Variants in NDST1 observed in about 807,000 individuals in gnomAD.
NDST1 encodes bifunctional heparan sulfate N-deacetylase/N-sulfotransferase 1.
NDST1 carries 35 observed loss-of-function variants against 92.8 expected under a neutral mutation model. The observed-to-expected ratio is 0.38, with a 90% confidence interval of 0.29 to 0.50. NDST1 has a LOEUF of 0.50. Ranked by LOEUF, NDST1 falls within the 20% of genes least tolerant of loss-of-function variation. The pLI is 0.94. For missense variants in NDST1, 822 were observed against 1,182.7 expected, an observed-to-expected ratio of 0.69 and a Z score of 4.47; for synonymous variants, 493 against 500.3, an observed-to-expected ratio of 0.99 and a Z score of 0.19.
chr5:150,553,361 T>C lies in NDST1; in HGVS notation c.*29T>C. 6.2e-7 allele frequency: 1 copy of C among 1,608,910 alleles called. No homozygotes were observed. Among genetic ancestry groups the C allele is most frequent in the South Asian group, 1.1e-5 (1 of 90,972 alleles). ...TGGCCACCACAGCCAGACTGAACGT[T>C]TGTGAAAGCTGGGACATCCCACCAC... On this transcript the variant is annotated 3_prime_UTR_variant, in exon 15 of 15. Coordinates refer to ENST00000261797, the MANE Select transcript of NDST1 (RefSeq NM_001543.5). The surrounding 1 kb of genome is among the most constrained non-coding windows in gnomAD (Gnocchi z 4.2).
chr5:150,542,761 G>T, intron 9 of NDST1, 87 bp from the exon 10 acceptor site: 2 of 1,558,260 alleles, frequency 1.3e-6, no homozygotes, highest in South Asian at 1.1e-5. Flanking sequence ...GCCCCCAGTG[G>T]GTCGTGGGGA....
At position 150,529,390 on chromosome 5, in the gene NDST1, CA is replaced by C. The variant is rs11418788; in HGVS notation, c.1008+1115del. On this transcript the variant is annotated intron_variant, in intron 3 of 14. Coordinates refer to ENST00000261797, the MANE Select transcript of NDST1 (RefSeq NM_001543.5). ...TGGGCCACAGAGCAAGACCCTGTCT[CA>C]AAAAAAAAAAAAAAAAAAAAAAGTT... Among the ~76,000 whole-genome samples, 553 of 65,176 alleles carry C rather than the reference CA, an allele frequency of 8.5e-3. 2 individuals are homozygous for C. Among genetic ancestry groups the C allele is most frequent in the South Asian group, 0.04 (64 of 1,618 alleles). The allele number at this position is 65,176 out of a possible 152,430, so 42.8% of individuals were successfully genotyped here.
intron 8 of NDST1, among the ~76,000 whole-genome samples, chr5:150,540,895 A>G (rs1394665730): frequency 3.3e-5 from 5 of 152,226 alleles, no homozygotes; most frequent in East Asian, 1.9e-4. Context: ...AGGCTCTTAG[A>G]TAATCTCTTG....
intron 7 of NDST1, 90 bp from the exon 8 acceptor site, chr5:150,539,992 C>T: frequency 6.6e-7 from 1 of 1,513,192 alleles, no homozygotes; most frequent in Non-Finnish European, 9.1e-7. Context: ...GCCTTGCAAG[C>T]TAAGGCAGGG....
Position 150,554,131 on chromosome 5 carries a change from C to T in NDST1, c.*799C>T, listed in dbSNP as rs940371856. 7.3e-5 allele frequency: 29 copies of T among 398,976 alleles called. No homozygotes were observed. The highest frequency in any genetic ancestry group is 6.2e-4 in the Middle Eastern group (1 of 1,610). The allele number at this position is 398,976 out of a possible 1,614,324, so 24.7% of individuals were successfully genotyped here. On this transcript the variant is annotated 3_prime_UTR_variant, in exon 15 of 15. Coordinates refer to ENST00000261797, the MANE Select transcript of NDST1 (RefSeq NM_001543.5). ...ATGTTCCCATGTACAGACACGGTCC[C>T]CACACCCTCCCAGCCTCAGGCCCAG... is the stretch of plus-strand genomic sequence containing the variant.
At chr5:150,529,474 T>C in intron 3 of NDST1, among the ~76,000 whole-genome samples, 1 of 151,784 alleles carries the variant, frequency 6.6e-6, no homozygotes. Flanking sequence ...TACACACATG[T>C]GAACTGTCAT....
intron 11 of NDST1, among the ~76,000 whole-genome samples, chr5:150,546,241 C>T (rs1287552529): frequency 6.6e-6 from 1 of 152,120 alleles, no homozygotes; most frequent in Non-Finnish European, 1.5e-5. Context: ...CGTGATCTTC[C>T]CGCCTCGGCC....
intron 1 of NDST1, 29 bp from the exon 2 acceptor site, chr5:150,520,839 G>A: frequency 2.4e-6 from 1 of 414,794 alleles, no homozygotes; most frequent in Admixed American, 3.9e-5. Flanking sequence ...CCCGCACTCT[G>A]ACGCTCCTGT....
chr5:150,544,597 T>C (rs1400595445), intron 10 of NDST1, among the ~76,000 whole-genome samples: 1 of 152,170 alleles, frequency 6.6e-6, no homozygotes, highest in Non-Finnish European at 1.5e-5. Context: ...CCTGTACCCT[T>C]CATGAGAGTG....
intron 1 of NDST1, among the ~76,000 whole-genome samples, chr5:150,514,560 CAAAAAA>C (rs34675841): frequency 3.6e-5 from 2 of 55,090 alleles, no homozygotes; most frequent in Non-Finnish European, 8.7e-5. Flanking sequence ...GACTCCGTCT[CAAAAAA>C]AAAAAAAAAA....
At chr5:150,518,250 C>A (rs747268240) in intron 1 of NDST1, among the ~76,000 whole-genome samples, 22 of 152,090 alleles carry the variant, frequency 1.4e-4, no homozygotes, top group Admixed American at 3.9e-4. Context: ...TCCCCTCCTT[C>A]CCCCTGCCAG....
Position 150,548,225 on chromosome 5 carries a change from G to C in NDST1, c.2153G>C (p.Arg718Pro), listed in dbSNP as rs780806591. The C allele has an allele frequency of 6.2e-7, 1 of 1,614,050 alleles. No homozygotes were observed. The change falls in exon 12 of 15, where the codon CGA becomes CCA. Residue 718 changes from arginine to proline, a missense_variant. Physicochemically the swap from Arg to Pro is moderately radical, Grantham distance 103 (BLOSUM62 -2). Coordinates refer to ENST00000261797, the MANE Select transcript of NDST1 (RefSeq NM_001543.5). ...DRAYSWYQHQ[R>P]AHDDPVALKY... ...CTCTTTCCTTGCCTGCAGCACCAGC[G>C]AGCCCATGACGACCCAGTGGCCCTA... is the stretch of plus-strand genomic sequence containing the variant.
chr5:150,515,610 A>G (rs984587239), intron 1 of NDST1, among the ~76,000 whole-genome samples: 2 of 152,134 alleles, frequency 1.3e-5, no homozygotes, highest in Non-Finnish European at 2.9e-5. Context: ...GGCAATGGGA[A>G]TTTCATCAGC....
chr5:150,551,753 G>C lies in NDST1; in HGVS notation c.2427G>C (p.Ala809=). The C allele has an allele frequency of 6.2e-7, 1 of 1,612,676 alleles. No individual in the cohort carries two copies. ...TCCAAAGACTTTCCCACCTCCACAGGTTTGATCCAAAGAAAGGATTTTGGT... is the reference window on the plus strand; with the variant it reads ...TCCAAAGACTTTCCCACCTCCACAGCTTTGATCCAAAGAAAGGATTTTGGT... ...TNTIDYHKTL[A]FDPKKGFWCQ... The change falls in exon 14 of 15, where the codon GCG becomes GCC. Residue 809 remains alanine, a splice_region_variant and synonymous_variant. Transcript: ENST00000261797.
chr5:150,539,482 A>C, intron 7 of NDST1, 126 bp downstream of exon 7: 2 of 1,591,770 alleles, frequency 1.3e-6, no homozygotes, highest in Non-Finnish European at 1.7e-6. Flanking sequence ...GGCAGTTGGG[A>C]GACCCACTCT....
rs774911554 is a variant in NDST1 at position 150,540,103 on chromosome 5, C to T, written c.1588C>T (p.Leu530=). 10 of 1,614,230 alleles carry T rather than the reference C, an allele frequency of 6.2e-6. No individual in the cohort carries two copies. The highest frequency in any genetic ancestry group is 8.5e-6 in the Non-Finnish European group (10 of 1,180,050). ...GCAGATCAGCATCTTCATGACGCAC[C>T]TGTCCAACTATGGGAATGACCGCCT... ...LNPISIFMTH[L]SNYGNDRLGL... The change falls in exon 8 of 15, where the codon CTG becomes TTG. Residue 530 remains leucine, a synonymous_variant. Transcript: ENST00000261797.
intron 3 of NDST1, among the ~76,000 whole-genome samples, chr5:150,531,529 T>C (rs1029287925): frequency 1.3e-5 from 2 of 149,580 alleles, no homozygotes; most frequent in Non-Finnish European, 3.0e-5. Flanking sequence ...AGATGGAGTT[T>C]CATTCTTGTT....
At chr5:150,535,443 T>C in intron 5 of NDST1, 1 of 960,670 alleles carries the variant, frequency 1.0e-6, no homozygotes, top group Non-Finnish European at 1.2e-6. Flanking sequence ...TTGAGTCCTT[T>C]GTGCTAGAGG....
Position 150,539,245 on chromosome 5 carries a change from C to G in NDST1, c.1455C>G (p.Thr485=). Residue 485 remains threonine, a synonymous_variant, in exon 7 of 15, where the codon ACC becomes ACG. Transcript: ENST00000261797. The part of the protein sequence containing the change: ...HNGIMVLPRQ[T]CGLFTHTIFY... ...CTCCTCAGGTTCTCCCACGGCAGAC[C>G]TGCGGCCTCTTCACACACACCATCT... 6.2e-7 allele frequency: 1 copy of G among 1,614,192 alleles called. No individual in the cohort carries two copies. Among genetic ancestry groups the G allele is most frequent in the Non-Finnish European group, 8.5e-7 (1 of 1,180,028 alleles).
Sources: gnomAD v4.1 joint callset for allele counts (sites outside exome capture counted in the v4.1 genomes callset) on GRCh38, gnomAD v4.1.1 for gene constraint, Gnocchi (gnomAD v3.1) non-coding constraint, MANE v1.5 for transcripts, NCBI Gene and HGNC (gene_info 2026-07-23, HGNC 2026-07-21) for gene names.